The following RBBP8 variants were observed in gnomAD, a reference collection of about 807,000 sequenced individuals.
RBBP8 encodes the protein RB binding protein 8, endonuclease.
A neutral mutation model predicts 108.3 loss-of-function variants in RBBP8; 88 were observed. That is an observed-to-expected ratio of 0.81 (90% CI 0.68 to 0.97). The LOEUF is 0.97. Among genes scored for constraint, RBBP8 ranks in the 50% least tolerant of loss-of-function variants. The probability of loss-of-function intolerance (pLI) is 0.00; values close to 1 mark genes in which losing one functional copy is unlikely to be tolerated. For synonymous variants in RBBP8, 332 were observed against 348.2 expected (o/e 0.95, Z 0.52); for missense variants, 1,023 against 1,049.0 (o/e 0.98, Z 0.34).
At chr18:22,929,545 TG>T (rs1909940958), upstream of RBBP8, 1 of 127,198 alleles carries the variant, frequency 7.9e-6, no homozygotes, top group Non-Finnish European at 1.7e-5. Flanking sequence ...TGTGTGTGTG[TG>T]TGTGTATGTG....
chr18:23,003,239 CTG>C (rs2045977409), intron 15 of RBBP8, among the ~76,000 whole-genome samples: 1 of 152,216 alleles, frequency 6.6e-6, no homozygotes, highest in South Asian at 2.1e-4. Context: ...TTTCTGAGTA[CTG>C]TGAGATACTT....
At chr18:22,964,635 A>AAT (rs1913414561) in intron 4 of RBBP8, among the ~76,000 whole-genome samples, 1 of 147,664 alleles carries the variant, frequency 6.8e-6, no homozygotes, top group Non-Finnish European at 1.5e-5. Context: ...TTTAATTTTT[A>AAT]TTTTATTTTA....
intron 10 of RBBP8, among the ~76,000 whole-genome samples, chr18:22,991,485 A>C (rs1915700733): frequency 6.6e-6 from 1 of 152,218 alleles, no homozygotes; most frequent in South Asian, 2.1e-4. Context: ...GTGGGGGATT[A>C]GTTATAGGAC....
chr18:22,988,031 T>G (rs1915449419), intron 8 of RBBP8, among the ~76,000 whole-genome samples: 1 of 152,190 alleles, frequency 6.6e-6, no homozygotes, highest in Non-Finnish European at 1.5e-5. Context: ...AGATTTCTGC[T>G]TCATCTGTTT....
Position 23,026,460 on chromosome 18 carries a change from A to T in RBBP8, c.*220A>T. The T allele has an allele frequency of 2.1e-6, 1 of 477,772 alleles. No homozygotes were observed. Among genetic ancestry groups the T allele is most frequent in the South Asian group, 2.2e-5 (1 of 45,968 alleles). The allele number at this position is 477,772 out of a possible 1,614,324, so 29.6% of individuals were successfully genotyped here. On this transcript the variant is annotated 3_prime_UTR_variant, in exon 19 of 19. Coordinates refer to ENST00000327155, the MANE Select transcript of RBBP8 (RefSeq NM_002894.3). ...TTAAGAGTTTTTACTTTATGTAGTG[A>T]TACCTAATACAATTTTGAAAATACA...
At chr18:22,960,689 C>A (rs907991724) in intron 4 of RBBP8, among the ~76,000 whole-genome samples, 1 of 152,198 alleles carries the variant, frequency 6.6e-6, no homozygotes, top group African/African-American at 2.4e-5. Context: ...TCTCCTGCCT[C>A]AGCCTCCCAA....
At chr18:22,960,098 T>G (rs1292960793) in intron 4 of RBBP8, among the ~76,000 whole-genome samples, 2 of 152,104 alleles carry the variant, frequency 1.3e-5, no homozygotes, top group Non-Finnish European at 2.9e-5. Context: ...TTTTACCGTG[T>G]TAGCCAGGAT....
intron 14 of RBBP8, among the ~76,000 whole-genome samples, chr18:23,000,287 A>C (rs1441565594): frequency 6.6e-6 from 1 of 152,168 alleles, no homozygotes; most frequent in Admixed American, 6.5e-5. Flanking sequence ...AGTGTTTTTT[A>C]AATGTGATTA....
intron 15 of RBBP8, chr18:23,004,803 G>A (rs754007301): frequency 2.0e-5 from 3 of 152,280 alleles, no homozygotes; most frequent in Non-Finnish European, 4.4e-5. Context: ...CAGTAGTGGT[G>A]CGGTGCCTAT....
chr18:22,954,187 G>A (rs1290672411), intron 4 of RBBP8, among the ~76,000 whole-genome samples: 2 of 152,160 alleles, frequency 1.3e-5, no homozygotes, highest in East Asian at 1.9e-4. Context: ...CCCCACAGTC[G>A]CCTAGAATCT....
intron 16 of RBBP8, among the ~76,000 whole-genome samples, chr18:23,007,079 G>A (rs1204915069): frequency 1.3e-5 from 2 of 149,128 alleles, no homozygotes; most frequent in South Asian, 4.3e-4. Flanking sequence ...GGAGTACAGT[G>A]GCGCAATCTC....
intron 3 of RBBP8, 48 bp from the exon 4 acceptor site, chr18:22,949,570 G>A (rs367976669): frequency 7.6e-7 from 1 of 1,323,096 alleles, no homozygotes; most frequent in Non-Finnish European, 1.1e-6. Flanking sequence ...GAATTATCCT[G>A]TTAAGAGTAT....
intron 15 of RBBP8, among the ~76,000 whole-genome samples, chr18:23,005,637 T>C (rs2046029715): frequency 6.6e-6 from 1 of 151,994 alleles, no homozygotes. Flanking sequence ...GATCTCAAAC[T>C]CCTGACCTCA....
At chr18:22,946,889 T>C (rs892216622) in intron 3 of RBBP8, among the ~76,000 whole-genome samples, 4 of 152,148 alleles carry the variant, frequency 2.6e-5, no homozygotes, top group African/African-American at 9.6e-5. Flanking sequence ...TTCTGGGATT[T>C]CTAAACTCAT....
intron 5 of RBBP8, among the ~76,000 whole-genome samples, chr18:22,971,444 C>G (rs1285293840): frequency 6.6e-6 from 1 of 152,094 alleles, no homozygotes; most frequent in Non-Finnish European, 1.5e-5. Context: ...GCAGTTGATA[C>G]ATAAGGGAAG....
At chr18:22,930,571 C>T (rs1909986199), upstream of RBBP8, among the ~76,000 whole-genome samples, 1 of 151,988 alleles carries the variant, frequency 6.6e-6, no homozygotes, top group Admixed American at 6.6e-5. Context: ...ATGAGGATGC[C>T]CGCCATTTCC....
intron 2 of RBBP8, among the ~76,000 whole-genome samples, chr18:22,915,814 G>A (rs1909334163): frequency 6.6e-6 from 1 of 151,824 alleles, no homozygotes; most frequent in Admixed American, 6.6e-5. Context: ...TATTTATTGA[G>A]CATTTTTTAT....
At chr18:22,940,550 G>A (rs1318053774) in intron 2 of RBBP8, among the ~76,000 whole-genome samples, 3 of 151,686 alleles carry the variant, frequency 2.0e-5, no homozygotes, top group Non-Finnish European at 4.4e-5. Flanking sequence ...TCGATCTCCC[G>A]ACCTCGTGAT....
intron 16 of RBBP8, among the ~76,000 whole-genome samples, chr18:23,011,676 T>A (rs1297542066): frequency 1.3e-5 from 2 of 152,066 alleles, no homozygotes; most frequent in Non-Finnish European, 2.9e-5. Flanking sequence ...CCTGACCTCA[T>A]GATCCGCCTG....
Sources: allele counts gnomAD v4.1 joint callset (sites outside exome capture counted in the v4.1 genomes callset), GRCh38; gene constraint gnomAD v4.1.1; transcripts MANE v1.5; gene names NCBI Gene and HGNC (gene_info 2026-07-23, HGNC 2026-07-21).